Variants in ADAMTSL3 observed in about 807,000 individuals in gnomAD.
ADAMTSL3 encodes ADAMTS like 3.
In ADAMTSL3, 128 loss-of-function variants were observed where a neutral mutation model predicts 201.7. The ratio of observed to expected loss-of-function variants is 0.63; its 90% CI spans 0.55 to 0.73. ADAMTSL3 has a LOEUF of 0.73. ADAMTSL3 is among the 30% of genes least tolerant of loss of function. The pLI is 0.00. For synonymous variants in ADAMTSL3, 738 were observed against 748.4 expected (o/e 0.99, Z 0.23); for missense variants, 1,990 against 2,119.6 (o/e 0.94, Z 1.20).
At chr15:83,872,598 C>CCACACACACACACACACACACA (rs149299146) in intron 9 of ADAMTSL3, among the ~76,000 whole-genome samples, 471 of 46,480 alleles carry the variant, frequency 0.01, 3 homozygotes, top group Middle Eastern at 0.034. Flanking sequence ...AAAATATACA[C>CCACACACACACACACACACACA]CACACACACA....
At chr15:83,990,264 A>G (rs1419231536) in intron 22 of ADAMTSL3, among the ~76,000 whole-genome samples, 1 of 152,162 alleles carries the variant, frequency 6.6e-6, no homozygotes. Flanking sequence ...ATCTTTCTCC[A>G]GTACAGCTTT....
chr15:83,881,226 C>T (rs2065264433), intron 9 of ADAMTSL3, among the ~76,000 whole-genome samples: 1 of 152,164 alleles, frequency 6.6e-6, no homozygotes, highest in African/African-American at 2.4e-5. Flanking sequence ...GCTTTATTCC[C>T]TTTGAAGGTT....
chr15:83,870,135 C>T (rs1292109455), intron 8 of ADAMTSL3, among the ~76,000 whole-genome samples: 1 of 152,158 alleles, frequency 6.6e-6, no homozygotes, highest in Non-Finnish European at 1.5e-5. Context: ...AGCAAATTCA[C>T]ATAAAGGGGT....
chr15:83,845,694 T>C (rs1029375056), intron 7 of ADAMTSL3, among the ~76,000 whole-genome samples: 5 of 152,186 alleles, frequency 3.3e-5, no homozygotes, highest in African/African-American at 7.2e-5. Context: ...CAGGAACTTA[T>C]ATGAAGCAAT....
At chr15:83,967,836 T>C (rs1444540485) in intron 19 of ADAMTSL3, among the ~76,000 whole-genome samples, 2 of 152,116 alleles carry the variant, frequency 1.3e-5, no homozygotes, top group Non-Finnish European at 1.5e-5. Flanking sequence ...AAAACAGATA[T>C]ATAGACCAAT....
intron 3 of ADAMTSL3, among the ~76,000 whole-genome samples, chr15:83,762,207 C>T (rs984966044): frequency 7.9e-5 from 12 of 152,202 alleles, no homozygotes; most frequent in Non-Finnish European, 7.4e-5. Flanking sequence ...TGAGCCACTG[C>T]GCTTAGCCAG....
At chr15:83,965,267 T>G (rs2067056753) in intron 19 of ADAMTSL3, among the ~76,000 whole-genome samples, 1 of 149,000 alleles carries the variant, frequency 6.7e-6, no homozygotes, top group South Asian at 2.1e-4. Context: ...TGTGCTGTAT[T>G]CAGGAGACCC....
intron 5 of ADAMTSL3, among the ~76,000 whole-genome samples, chr15:83,813,816 A>T (rs1460308145): frequency 6.6e-6 from 1 of 152,192 alleles, no homozygotes; most frequent in Non-Finnish European, 1.5e-5. Flanking sequence ...TGAGCCCTAG[A>T]TAAAGAATTA....
intron 20 of ADAMTSL3, among the ~76,000 whole-genome samples, chr15:83,973,683 A>G (rs1263515862): frequency 6.6e-6 from 1 of 152,156 alleles, no homozygotes; most frequent in Non-Finnish European, 1.5e-5. Flanking sequence ...CTTGTCTTTC[A>G]TTCCATTAGG....
chr15:83,945,562 G>A (rs1253045470), intron 19 of ADAMTSL3, among the ~76,000 whole-genome samples: 1 of 152,198 alleles, frequency 6.6e-6, no homozygotes, highest in African/African-American at 2.4e-5. Context: ...TGTGTAGGCA[G>A]TATTTATTCC....
chr15:83,740,898 C>G lies in ADAMTSL3; in HGVS notation c.190-32625C>G, dbSNP rs75903876. Among the ~76,000 whole-genome samples the G allele has an allele frequency of 3.2e-3, 486 of 152,112 alleles. 2 individuals are homozygous for G. Among genetic ancestry groups the G allele is most frequent in the Middle Eastern group, 0.01 (3 of 294 alleles). On this transcript the variant is annotated intron_variant, in intron 3 of 29. Transcript: ENST00000286744. ...TTAAAATCCAAATTCCTAAAAAATA[C>G]AGAAAAACTGGGTAAACCAATATAT...
intron 19 of ADAMTSL3, among the ~76,000 whole-genome samples, chr15:83,956,567 ATCTGACAGTT>A (rs1447564341): frequency 6.6e-6 from 1 of 152,070 alleles, no homozygotes; most frequent in Non-Finnish European, 1.5e-5. Flanking sequence ...TTTAGACTGA[ATCTGACAGTT>A]TACTCTTATA....
Position 83,942,603 on chromosome 15 carries a change from G to C in ADAMTSL3, c.2125G>C (p.Val709Leu). Residue 709 changes from valine to leucine, a missense_variant, in exon 18 of 30, where the codon GTG becomes CTG. Physicochemically the swap from Val to Leu is conservative, Grantham distance 32 (BLOSUM62 1). Transcript: ENST00000286744. ...ACTTGTTTTCTGTTTTAGGTGGCAT[G>C]TGGGCTCTTGGGGGCCCTGCTCAGC... Reference protein sequence around the residue: ...NTEPCPPRWHVGSWGPCSATC... With the variant: ...NTEPCPPRWHLGSWGPCSATC... The C allele has an allele frequency of 6.2e-7, 1 of 1,612,530 alleles. No homozygotes were observed. Among genetic ancestry groups the C allele is most frequent in the Non-Finnish European group, 8.5e-7 (1 of 1,179,526 alleles).
intron 2 of ADAMTSL3, among the ~76,000 whole-genome samples, chr15:83,688,749 T>TACACACACACACACACACACACACAC (rs1157433275): frequency 8.2e-5 from 4 of 48,964 alleles, no homozygotes; most frequent in African/African-American, 2.8e-4. Flanking sequence ...TACACATGCA[T>TACACACACACACACACACACACACAC]ATATATACAC....
At chr15:83,825,220 T>C (rs368691332) in intron 6 of ADAMTSL3, among the ~76,000 whole-genome samples, 5 of 152,250 alleles carry the variant, frequency 3.3e-5, no homozygotes, top group African/African-American at 1.2e-4. Context: ...TTTGACCAAA[T>C]GATAATAGTA....
chr15:83,655,186 C>G (rs2061061495), intron 1 of ADAMTSL3, among the ~76,000 whole-genome samples: 1 of 152,202 alleles, frequency 6.6e-6, no homozygotes, highest in Non-Finnish European at 1.5e-5. Flanking sequence ...ACTTAGCTCT[C>G]AGGCGTCTCT....
rs143292014 is a variant in ADAMTSL3, at chr15:83,802,256, A to C, written c.318-2394A>C. ...CTGGGATTTGTTTTAAAATACTTCTAAATATGTATTGTAAGTATGGACAAA... is the reference window on the plus strand; with the variant it reads ...CTGGGATTTGTTTTAAAATACTTCTCAATATGTATTGTAAGTATGGACAAA... On this transcript the variant is annotated intron_variant, in intron 4 of 29. Coordinates refer to ENST00000286744, the MANE Select transcript of ADAMTSL3 (RefSeq NM_207517.3). Among the ~76,000 whole-genome samples, 10 of 152,308 alleles carry C rather than the reference A, an allele frequency of 6.6e-5. No homozygotes were observed. In the East Asian group the frequency reaches 1.9e-3, roughly 29 times the overall value.
intron 3 of ADAMTSL3, among the ~76,000 whole-genome samples, chr15:83,753,905 A>C (rs1003695530): frequency 1.3e-5 from 2 of 152,226 alleles, no homozygotes; most frequent in African/African-American, 4.8e-5. Flanking sequence ...TTGCGTTGTT[A>C]TAACTTTATC....
intron 8 of ADAMTSL3, among the ~76,000 whole-genome samples, chr15:83,870,185 C>A (rs143226489): frequency 6.7e-4 from 102 of 152,148 alleles, no homozygotes; most frequent in Non-Finnish European, 1.2e-3. Flanking sequence ...TGGAGTGGTT[C>A]TGTATTTTGA....
Sources: allele counts gnomAD v4.1 joint callset (sites outside exome capture counted in the v4.1 genomes callset), GRCh38; gene constraint gnomAD v4.1.1; transcripts MANE v1.5; gene names NCBI Gene and HGNC (gene_info 2026-07-23, HGNC 2026-07-21).